Variants in SGCZ observed in about 807,000 individuals in gnomAD.
The protein encoded by SGCZ is zeta-sarcoglycan.
In SGCZ, 40 loss-of-function variants were observed where a neutral mutation model predicts 41.3. The ratio of observed to expected loss-of-function variants is 0.97; its 90% CI spans 0.75 to 1.26. The LOEUF (loss-of-function observed/expected upper bound fraction) is 1.26. Ranked by LOEUF, SGCZ falls within the 50% of genes most tolerant of loss-of-function variation. SGCZ has a pLI of 0.00. For missense variants in SGCZ, 552 were observed against 369.8 expected, an observed-to-expected ratio of 1.49 and a Z score of -4.04; for synonymous variants, 206 against 137.5, an observed-to-expected ratio of 1.50 and a Z score of -3.49.
At chr8:14,843,431 G>T (rs959921931) in intron 1 of SGCZ, among the ~76,000 whole-genome samples, 5 of 152,146 alleles carry the variant, frequency 3.3e-5, no homozygotes, top group Middle Eastern at 3.4e-3. Context: ...AAATGACTTA[G>T]TATTTTGTAT....
At chr8:15,207,014 A>G (rs554796389) in intron 1 of SGCZ, among the ~76,000 whole-genome samples, 1 of 152,362 alleles carries the variant, frequency 6.6e-6, no homozygotes, top group Admixed American at 6.5e-5. Flanking sequence ...GATATTGTCA[A>G]GAAATAACTA....
intron 1 of SGCZ, among the ~76,000 whole-genome samples, chr8:14,677,829 G>T (rs574947530): frequency 6.6e-6 from 1 of 152,070 alleles, no homozygotes; most frequent in South Asian, 2.1e-4. Flanking sequence ...AGAGGCAAAA[G>T]GCCTAGAACA....
intron 1 of SGCZ, among the ~76,000 whole-genome samples, chr8:14,688,781 G>T (rs1167063432): frequency 6.6e-6 from 1 of 152,042 alleles, no homozygotes; most frequent in East Asian, 1.9e-4. Context: ...GGCAGGAGAA[G>T]GAAATAAAGG....
At chr8:15,123,231 AAAAC>A (rs1410655534) in intron 1 of SGCZ, among the ~76,000 whole-genome samples, 11 of 152,210 alleles carry the variant, frequency 7.2e-5, no homozygotes, top group African/African-American at 2.7e-4. Flanking sequence ...GCTTCAAAAT[AAAAC>A]AACCAGTGCT....
intron 1 of SGCZ, among the ~76,000 whole-genome samples, chr8:15,092,996 C>T (rs901086719): frequency 6.6e-6 from 1 of 152,170 alleles, no homozygotes; most frequent in African/African-American, 2.4e-5. Context: ...GACAAATACA[C>T]GCTTTTAGTA....
At chr8:14,818,447 G>A (rs542459078) in intron 1 of SGCZ, among the ~76,000 whole-genome samples, 30 of 152,004 alleles carry the variant, frequency 2.0e-4, no homozygotes, top group East Asian at 9.7e-4. Flanking sequence ...ATAACAAATC[G>A]ACACCAAAGA....
chr8:14,602,783 T>A (rs1805634660), intron 1 of SGCZ, among the ~76,000 whole-genome samples: 1 of 152,130 alleles, frequency 6.6e-6, no homozygotes, highest in Non-Finnish European at 1.5e-5. Flanking sequence ...CATTTGAGAG[T>A]AATAACCTTA....
At chr8:14,372,898 T>C (rs1323321251) in intron 2 of SGCZ, among the ~76,000 whole-genome samples, 1 of 152,144 alleles carries the variant, frequency 6.6e-6, no homozygotes, top group African/African-American at 2.4e-5. Flanking sequence ...TTGTAAAGGT[T>C]TTTACTTTTA....
At chr8:14,910,114 A>T (rs1262281837) in intron 1 of SGCZ, among the ~76,000 whole-genome samples, 1 of 152,042 alleles carries the variant, frequency 6.6e-6, no homozygotes, top group Non-Finnish European at 1.5e-5. Context: ...CTTATTTGAG[A>T]TGTTGCATTC....
In SGCZ at chr8:15,160,721, T is replaced by G. The variant is rs1288559598; in HGVS notation, c.39+76864A>C. 2.0e-5 allele frequency among the ~76,000 whole-genome samples: 3 copies of G among 152,170 alleles called. No individual in the cohort carries two copies. In the East Asian group the frequency reaches 5.8e-4, roughly 29 times the overall value. On this transcript the variant is annotated intron_variant, in intron 1 of 7. Transcript: ENST00000382080. ...GAGACTTAACATGTCTAAACTAACT[T>G]TCCGATCTTCCCCATGAATCTGACT...
intron 1 of SGCZ, among the ~76,000 whole-genome samples, chr8:14,806,608 G>C (rs1307546274): frequency 3.9e-5 from 6 of 152,106 alleles, no homozygotes; most frequent in African/African-American, 1.4e-4. Flanking sequence ...CAACCAAAAA[G>C]AGTCCAGGAC....
rs559434957 is a variant in SGCZ, at chr8:14,772,604, G to A, written c.40-217678C>T. On this transcript the variant is annotated intron_variant, in intron 1 of 7. Transcript: ENST00000382080. ...TCCCCCCACCCCACAACAATCCCCA[G>A]AGTGTGATGTTCCCCTTCCTGGGTC... 4.6e-3 allele frequency among the ~76,000 whole-genome samples: 532 copies of A among 114,450 alleles called. 4 individuals carry two copies. Among genetic ancestry groups the A allele is most frequent in the Middle Eastern group, 0.028 (3 of 106 alleles). The allele number at this position is 114,450 out of a possible 152,430, so 75.1% of individuals were successfully genotyped here. A position where few individuals can be genotyped will look rare whatever the true frequency, so the allele number is the denominator to read the frequency against.
chr8:15,066,541 T>C (rs1014226022), intron 1 of SGCZ, among the ~76,000 whole-genome samples: 29 of 152,326 alleles, frequency 1.9e-4, no homozygotes, highest in South Asian at 6.2e-4. Context: ...TTTTAAGATT[T>C]TCATAGTCAA....
rs572716051 is a variant in SGCZ, at chr8:14,105,277, A to G, written c.621-2778T>C. On this transcript the variant is annotated intron_variant, in intron 6 of 7. Coordinates refer to ENST00000382080, the MANE Select transcript of SGCZ (RefSeq NM_139167.4). ...CACTCATCAAACAGCTGCTGAATAA[A>G]TAAGTTATAGAAATCCACTACATTT... Among the ~76,000 whole-genome samples, 4 of 152,258 alleles carry G rather than the reference A, an allele frequency of 2.6e-5. No homozygotes were observed. The South Asian group carries it at 6.2e-4, about 24-fold the overall frequency.
intron 1 of SGCZ, among the ~76,000 whole-genome samples, chr8:14,555,514 G>C (rs1418564136): frequency 6.6e-6 from 1 of 152,002 alleles, no homozygotes; most frequent in African/African-American, 2.4e-5. Context: ...TAAGTTTCCT[G>C]AGGCCTCCCC....
intron 3 of SGCZ, among the ~76,000 whole-genome samples, chr8:14,317,864 T>G (rs1471902107): frequency 2.6e-5 from 4 of 151,970 alleles, no homozygotes; most frequent in African/African-American, 9.7e-5. Flanking sequence ...CAACAGAAAT[T>G]TTTATGAAAC....
At chr8:14,693,103 G>A (rs1265948359) in intron 1 of SGCZ, among the ~76,000 whole-genome samples, 1 of 152,102 alleles carries the variant, frequency 6.6e-6, no homozygotes, top group African/African-American at 2.4e-5. Flanking sequence ...AAAGACACAG[G>A]TTTGTGGTGA....
intron 7 of SGCZ, among the ~76,000 whole-genome samples, chr8:14,099,774 T>C (rs897704231): frequency 2.0e-5 from 3 of 152,314 alleles, no homozygotes; most frequent in African/African-American, 7.2e-5. Context: ...GTGGTATATA[T>C]GCTGTTATTG....
intron 4 of SGCZ, among the ~76,000 whole-genome samples, chr8:14,225,368 A>T (rs1478018939): frequency 6.6e-6 from 1 of 152,052 alleles, no homozygotes; most frequent in Non-Finnish European, 1.5e-5. Flanking sequence ...ACTTAAAAAA[A>T]CTCTCAGCAA....
Sources: gnomAD v4.1 joint callset for allele counts (sites outside exome capture counted in the v4.1 genomes callset) on GRCh38, gnomAD v4.1.1 for gene constraint, MANE v1.5 for transcripts, NCBI Gene and HGNC (gene_info 2026-07-23, HGNC 2026-07-21) for gene names.